CLSTN2: variants seen among roughly 807,000 people sequenced by gnomAD.
CLSTN2 encodes the protein calsyntenin-2.
In CLSTN2, 48 loss-of-function variants were observed where a neutral mutation model predicts 101.2. The observed-to-expected ratio is 0.47, with a 90% CI of 0.38 to 0.60. The LOEUF is 0.60. CLSTN2 is among the 20% of genes least tolerant of loss of function. CLSTN2 has a pLI of 0.00. For synonymous variants in CLSTN2, 481 were observed against 463.6 expected (o/e 1.04, Z -0.48); for missense variants, 1,160 against 1,238.2 (o/e 0.94, Z 0.95).
At chr3:140,379,865 C>G (rs1025723484) in intron 2 of CLSTN2, among the ~76,000 whole-genome samples, 1 of 152,066 alleles carries the variant, frequency 6.6e-6, no homozygotes, top group African/African-American at 2.4e-5. Context: ...TTAATGAAAG[C>G]TCACTGAAAG....
At chr3:140,310,955 C>T (rs2107916627) in intron 2 of CLSTN2, among the ~76,000 whole-genome samples, 1 of 152,324 alleles carries the variant, frequency 6.6e-6, no homozygotes, top group South Asian at 2.1e-4. Flanking sequence ...GACATTGACT[C>T]TGCCATTCCA....
At chr3:140,460,441 GACT>G (rs1933531611) in intron 7 of CLSTN2, 1 of 153,144 alleles carries the variant, frequency 6.5e-6, no homozygotes, top group African/African-American at 2.4e-5. Context: ...AGGATTGAAT[GACT>G]TCATAATCAT....
intron 1 of CLSTN2, among the ~76,000 whole-genome samples, chr3:140,172,295 G>C (rs2010251141): frequency 6.6e-6 from 1 of 152,108 alleles, no homozygotes; most frequent in Non-Finnish European, 1.5e-5. Flanking sequence ...TAATGTTTTA[G>C]AAAGATCACT....
intron 10 of CLSTN2, among the ~76,000 whole-genome samples, chr3:140,552,952 G>A (rs1218880764): frequency 1.3e-5 from 2 of 152,230 alleles, no homozygotes; most frequent in African/African-American, 4.8e-5. Context: ...TCTCAAATCT[G>A]AAACTGATGA....
rs76246649 is a variant in CLSTN2, at chr3:140,052,921, T to A, written c.109+117438T>A. ...ATTTAATAGCAAACCTTGGGTGTGGTTGCAGCACATTGTTTCTCCCCCATG... is the reference window on the plus strand; with the variant it reads ...ATTTAATAGCAAACCTTGGGTGTGGATGCAGCACATTGTTTCTCCCCCATG... On this transcript the variant is annotated intron_variant, in intron 1 of 16. Coordinates refer to ENST00000458420, the MANE Select transcript of CLSTN2 (RefSeq NM_022131.3). Among the ~76,000 whole-genome samples, 448 of 152,308 alleles carry A rather than the reference T, an allele frequency of 2.9e-3. 2 individuals carry two copies. The highest frequency in any genetic ancestry group is 0.01 in the African/African-American group (432 of 41,566).
intron 1 of CLSTN2, among the ~76,000 whole-genome samples, chr3:140,078,844 G>GA (rs1036468852): frequency 1.3e-5 from 2 of 152,056 alleles, no homozygotes; most frequent in Non-Finnish European, 2.9e-5. Flanking sequence ...GAAATTCAGG[G>GA]AAAAAATCAA....
Position 140,546,527 on chromosome 3 carries a change from C to T in CLSTN2, c.1520C>T (p.Thr507Ile), listed in dbSNP as rs1935587209. ...TTTGTTTTTTCAGGAGGAGAAGTCACCAAACCACAGTTTGCTCAGTTCTTT... is the reference window on the plus strand; with the variant it reads ...TTTGTTTTTTCAGGAGGAGAAGTCATCAAACCACAGTTTGCTCAGTTCTTT... Reference protein sequence around the residue: ...VGACWQGGEVTKPQFAQFFHG... With the variant: ...VGACWQGGEVIKPQFAQFFHG... The change falls in exon 10 of 17, where the codon ACC (threonine) becomes ATC (isoleucine). Residue 507 changes from threonine (T) to isoleucine (I), a missense_variant. Physicochemically the swap from Thr to Ile is moderately conservative, Grantham distance 89. Coordinates refer to ENST00000458420, the MANE Select transcript of CLSTN2 (RefSeq NM_022131.3). 1 of 1,613,920 alleles carries T rather than the reference C, an allele frequency of 6.2e-7. No individual in the cohort carries two copies. Among genetic ancestry groups the T allele is most frequent in the East Asian group, 2.2e-5 (1 of 44,870 alleles).
intron 2 of CLSTN2, among the ~76,000 whole-genome samples, chr3:140,383,057 A>AT (rs1258544841): frequency 6.6e-6 from 1 of 152,162 alleles, no homozygotes; most frequent in Non-Finnish European, 1.5e-5. Context: ...AGAAGATGAT[A>AT]TTTTTTGCAT....
chr3:139,975,534 TG>T (rs1234726489), intron 1 of CLSTN2, among the ~76,000 whole-genome samples: 1 of 152,172 alleles, frequency 6.6e-6, no homozygotes, highest in African/African-American at 2.4e-5. Flanking sequence ...GAGAGGCTGA[TG>T]GAGGCATCAC....
At chr3:140,502,965 A>G (rs1380887632) in intron 8 of CLSTN2, among the ~76,000 whole-genome samples, 1 of 152,208 alleles carries the variant, frequency 6.6e-6, no homozygotes, top group Non-Finnish European at 1.5e-5. Flanking sequence ...AAGTATTGGG[A>G]AGGCTGTGCT....
chr3:140,023,703 C>G (rs1358527720), intron 1 of CLSTN2, among the ~76,000 whole-genome samples: 2 of 152,174 alleles, frequency 1.3e-5, no homozygotes, highest in African/African-American at 4.8e-5. Flanking sequence ...TTCGTGTTGG[C>G]TGCAGGCCCA....
intron 1 of CLSTN2, among the ~76,000 whole-genome samples, chr3:140,025,888 C>G (rs142113591): frequency 3.3e-5 from 5 of 152,190 alleles, no homozygotes; most frequent in Non-Finnish European, 5.9e-5. Context: ...GATGTGGGCA[C>G]TGGGCTGCGT....
At chr3:140,414,782 C>CT (rs1326178413) in intron 4 of CLSTN2, among the ~76,000 whole-genome samples, 1 of 152,038 alleles carries the variant, frequency 6.6e-6, no homozygotes, top group Non-Finnish European at 1.5e-5. Flanking sequence ...AATGCAATCT[C>CT]TATCAAAATT....
intron 8 of CLSTN2, among the ~76,000 whole-genome samples, chr3:140,478,869 AAGG>A (rs1176872463): frequency 2.4e-5 from 2 of 83,616 alleles, no homozygotes; most frequent in African/African-American, 8.2e-5. Flanking sequence ...AGGAAGGGGG[AAGG>A]AGGAAGGAAG....
At position 140,355,539 on chromosome 3, in the gene CLSTN2, C is replaced by G. The variant is rs1414737446; in HGVS notation, c.233-48090C>G. Among the ~76,000 whole-genome samples, 3 of 152,306 alleles carry G rather than the reference C, an allele frequency of 2.0e-5. No homozygotes were observed. In the East Asian group the frequency reaches 5.8e-4, roughly 29 times the overall value. ...CTTATCAGACACAATGTTGGGACAG[C>G]AAGCATTTGCTGCTAAATTTCAGGG... On this transcript the variant is annotated intron_variant, in intron 2 of 16. Coordinates refer to ENST00000458420, the MANE Select transcript of CLSTN2 (RefSeq NM_022131.3).
At chr3:140,027,266 C>T (rs931493061) in intron 1 of CLSTN2, among the ~76,000 whole-genome samples, 10 of 152,044 alleles carry the variant, frequency 6.6e-5, no homozygotes, top group Non-Finnish European at 1.5e-4. Context: ...GGAAAGAGAA[C>T]CTTTGCAGAT....
intron 1 of CLSTN2, among the ~76,000 whole-genome samples, chr3:140,113,411 A>G (rs2009187385): frequency 6.6e-6 from 1 of 152,190 alleles, no homozygotes; most frequent in Admixed American, 6.5e-5. Context: ...TATAGTTTCA[A>G]AATGGGAACT....
At chr3:140,066,703 G>A (rs376855217) in intron 1 of CLSTN2, among the ~76,000 whole-genome samples, 1 of 152,174 alleles carries the variant, frequency 6.6e-6, no homozygotes, top group South Asian at 2.1e-4. Context: ...AAAAGCAGTA[G>A]GTTGTTGGTT....
At chr3:140,194,923 A>G (rs1286086053) in intron 2 of CLSTN2, among the ~76,000 whole-genome samples, 2 of 152,248 alleles carry the variant, frequency 1.3e-5, no homozygotes, top group East Asian at 3.8e-4. Context: ...ACTCCTCATT[A>G]CTGCCAGTGA....
Sources: allele counts gnomAD v4.1 joint callset (sites outside exome capture counted in the v4.1 genomes callset), GRCh38; gene constraint gnomAD v4.1.1; transcripts MANE v1.5; gene names NCBI Gene and HGNC (gene_info 2026-07-23, HGNC 2026-07-21).